Variants in ACSM6 observed in about 807,000 individuals in gnomAD.
ACSM6 encodes acyl-CoA synthetase medium chain family member 6, also known as acyl-coenzyme A synthetase ACSM6, mitochondrial.
Under a neutral mutation model 51.1 loss-of-function variants are expected in ACSM6, and 35 were observed. The observed-to-expected ratio is 0.69, with a 90% CI of 0.52 to 0.91. The LOEUF is 0.91. ACSM6 is among the 40% of genes least tolerant of loss of function. The probability of loss-of-function intolerance (pLI) is 0.00; values close to 1 mark genes in which losing one functional copy is unlikely to be tolerated. For missense variants in ACSM6, 509 were observed against 584.1 expected (o/e 0.87, Z 1.32); for synonymous variants, 172 against 207.3 (o/e 0.83, Z 1.46).
intron 9 of ACSM6, among the ~76,000 whole-genome samples, chr10:95,220,357 A>T (rs1025864312): frequency 4.6e-5 from 7 of 152,244 alleles, no homozygotes; most frequent in African/African-American, 1.4e-4. Context: ...AGTCTAAGCC[A>T]CTAGTCAGCT....
intron 10 of ACSM6, 115 bp downstream of exon 10, chr10:95,225,506 C>T (rs1589499376): frequency 1.4e-6 from 1 of 715,194 alleles, no homozygotes; most frequent in East Asian, 3.0e-5. Flanking sequence ...TTTAATTTTG[C>T]AAATTTTTGA....
chr10:95,198,516 C>CTG (rs1169956185), intron 2 of ACSM6, among the ~76,000 whole-genome samples: 2 of 151,900 alleles, frequency 1.3e-5, no homozygotes, highest in African/African-American at 2.4e-5. Flanking sequence ...CCTGGTGTGG[C>CTG]TGTGTGTGCC....
At chr10:95,208,163 C>A (rs1253811440) in intron 4 of ACSM6, among the ~76,000 whole-genome samples, 2 of 152,020 alleles carry the variant, frequency 1.3e-5, no homozygotes, top group Non-Finnish European at 2.9e-5. Context: ...GAAATAATGT[C>A]TTTTGCAGCA....
chr10:95,200,999 T>C (rs1000712591), intron 2 of ACSM6, among the ~76,000 whole-genome samples: 6 of 152,172 alleles, frequency 3.9e-5, no homozygotes, highest in African/African-American at 1.4e-4. Context: ...GGTAACTTCA[T>C]CCATGCATTC....
chr10:95,204,192 T>A (rs2034820219), intron 3 of ACSM6, among the ~76,000 whole-genome samples: 1 of 152,230 alleles, frequency 6.6e-6, no homozygotes, highest in African/African-American at 2.4e-5. Context: ...TTAAAATTGC[T>A]TATTGATGGT....
At chr10:95,196,353 C>T (rs994141320) in intron 2 of ACSM6, among the ~76,000 whole-genome samples, 1 of 152,230 alleles carries the variant, frequency 6.6e-6, no homozygotes, top group Non-Finnish European at 1.5e-5. Context: ...AAAAGCCACA[C>T]AGTCAGCCCA....
At chr10:95,206,170 T>A (rs2034837106) in intron 3 of ACSM6, among the ~76,000 whole-genome samples, 1 of 152,188 alleles carries the variant, frequency 6.6e-6, no homozygotes, top group African/African-American at 2.4e-5. Flanking sequence ...TTCCCCGCTC[T>A]CTGCAAAACC....
intron 9 of ACSM6, among the ~76,000 whole-genome samples, chr10:95,224,579 T>C (rs1360225526): frequency 6.6e-6 from 1 of 152,248 alleles, no homozygotes; most frequent in East Asian, 1.9e-4. Flanking sequence ...TTTGTATTTT[T>C]AGTAGAGACA....
At chr10:95,217,218 C>T (rs2034954215) in intron 8 of ACSM6, among the ~76,000 whole-genome samples, 1 of 151,868 alleles carries the variant, frequency 6.6e-6, no homozygotes, top group Non-Finnish European at 1.5e-5. Flanking sequence ...TGTGGTGGCA[C>T]GCACCTGCAG....
intron 9 of ACSM6, among the ~76,000 whole-genome samples, chr10:95,224,356 A>G (rs916369667): frequency 2.0e-5 from 3 of 152,230 alleles, no homozygotes; most frequent in Non-Finnish European, 4.4e-5. Context: ...CTCCTGTCAC[A>G]TTACTTCATG....
intron 9 of ACSM6, among the ~76,000 whole-genome samples, chr10:95,220,896 A>G (rs2034989591): frequency 2.5e-5 from 2 of 81,212 alleles, no homozygotes; most frequent in African/African-American, 6.0e-5. Flanking sequence ...CTATTAATAG[A>G]GTTAATTAAA....
intron 2 of ACSM6, among the ~76,000 whole-genome samples, chr10:95,195,679 C>G (rs1051351984): frequency 6.6e-6 from 1 of 152,182 alleles, no homozygotes; most frequent in East Asian, 1.9e-4. Context: ...GATTGCCCCT[C>G]TATTCTCCTC....
intron 3 of ACSM6, among the ~76,000 whole-genome samples, chr10:95,206,313 T>C (rs2034838269): frequency 6.6e-6 from 1 of 152,224 alleles, no homozygotes; most frequent in Non-Finnish European, 1.5e-5. Context: ...TCACCCATGT[T>C]ATAGCATGTG....
chr10:95,207,149 G>C, intron 3 of ACSM6, 59 bp from the exon 4 acceptor site: 5 of 1,544,606 alleles, frequency 3.2e-6, no homozygotes, highest in Non-Finnish European at 3.6e-6. Context: ...CAGAATGCTT[G>C]AGGAAAAATT....
rs1436098631 is a variant in ACSM6 at position 95,215,951 on chromosome 10, AG to A, written c.1119+979del. Among the ~76,000 whole-genome samples the A allele has an allele frequency of 3.9e-5, 6 of 152,134 alleles. No homozygotes were observed. In the East Asian group the frequency reaches 1.2e-3, roughly 29 times the overall value. ...TGTTTGTTTGTTTTTAAAGAGAGGC[AG>A]GGTCTTGCTTTATTGCCCCAAACTA... On this transcript the variant is annotated intron_variant, in intron 8 of 10. Coordinates refer to ENST00000341686, the Ensembl canonical transcript of ACSM6.
chr10:95,205,629 G>A (rs948361484), intron 3 of ACSM6, among the ~76,000 whole-genome samples: 14 of 152,084 alleles, frequency 9.2e-5, no homozygotes, highest in East Asian at 1.9e-4. Flanking sequence ...TGCCAAAATC[G>A]AAAACATATT....
chr10:95,205,600 A>G (rs2034832299), intron 3 of ACSM6, among the ~76,000 whole-genome samples: 1 of 152,206 alleles, frequency 6.6e-6, no homozygotes, highest in Non-Finnish European at 1.5e-5. Context: ...ACACAAATTC[A>G]GACCATGGCA....
intron 6 of ACSM6, among the ~76,000 whole-genome samples, chr10:95,212,284 T>C (rs961289895): frequency 2.0e-5 from 3 of 152,166 alleles, no homozygotes; most frequent in Non-Finnish European, 2.9e-5. Flanking sequence ...AATAGTGATA[T>C]TGAGGAAGAT....
chr10:95,199,025 A>AG (rs2034764222), intron 2 of ACSM6, among the ~76,000 whole-genome samples: 3 of 106,854 alleles, frequency 2.8e-5, no homozygotes, highest in African/African-American at 1.0e-4. Context: ...ATGGAACCAA[A>AG]AAAGCCTGCA....
Sources: allele counts gnomAD v4.1 joint callset (sites outside exome capture counted in the v4.1 genomes callset), GRCh38; gene constraint gnomAD v4.1.1; transcripts MANE v1.5; gene names NCBI Gene and HGNC (gene_info 2026-07-23, HGNC 2026-07-21).